LRFN5: variants seen among roughly 807,000 people sequenced by gnomAD.
LRFN5 encodes leucine-rich repeat and fibronectin type-III domain-containing protein 5.
A neutral mutation model predicts 45.6 loss-of-function variants in LRFN5; 24 were observed. That is an observed-to-expected ratio of 0.53 (90% CI 0.38 to 0.74). The LOEUF (loss-of-function observed/expected upper bound fraction) is 0.74, where lower values mean the gene tolerates loss of function less well. Among genes scored for constraint, LRFN5 ranks in the 30% least tolerant of loss-of-function variants. LRFN5 has a pLI of 0.00. For synonymous variants in LRFN5, 340 were observed against 313.8 expected, an observed-to-expected ratio of 1.08 and a Z score of -0.88; for missense variants, 776 against 861.5, an observed-to-expected ratio of 0.90 and a Z score of 1.24.
At chr14:41,653,123 C>G (rs1449379394) in intron 1 of LRFN5, among the ~76,000 whole-genome samples, 1 of 152,114 alleles carries the variant, frequency 6.6e-6, no homozygotes, top group East Asian at 1.9e-4. Context: ...TGTCTGTTTA[C>G]TCTGTTTATT....
intron 2 of LRFN5, among the ~76,000 whole-genome samples, chr14:41,859,849 A>C (rs528525241): frequency 1.1e-4 from 17 of 152,320 alleles, no homozygotes; most frequent in Admixed American, 7.8e-4. Flanking sequence ...CACTGAAAGT[A>C]TCATTTTCCC....
intron 1 of LRFN5, among the ~76,000 whole-genome samples, chr14:41,717,675 A>G (rs1297441084): frequency 6.6e-6 from 1 of 152,178 alleles, no homozygotes. Context: ...ATTAAGGGTT[A>G]CACTAGTTTT....
chr14:41,827,939 T>G (rs1888352901), intron 2 of LRFN5, among the ~76,000 whole-genome samples: 2 of 152,028 alleles, frequency 1.3e-5, no homozygotes, highest in Non-Finnish European at 2.9e-5. Flanking sequence ...TGTGCTTTTA[T>G]TCTCAAAAGT....
chr14:41,866,884 G>C (rs1191406807), intron 2 of LRFN5, among the ~76,000 whole-genome samples: 4 of 152,054 alleles, frequency 2.6e-5, no homozygotes, highest in Non-Finnish European at 4.4e-5. Flanking sequence ...ATTTTGATTA[G>C]TGAATCCAGA....
chr14:41,692,940 C>CT (rs1180059578), intron 1 of LRFN5, among the ~76,000 whole-genome samples: 44 of 151,896 alleles, frequency 2.9e-4, no homozygotes, highest in African/African-American at 8.7e-4. Context: ...TTAAAGTTTA[C>CT]TTTTTTTTCC....
intron 2 of LRFN5, among the ~76,000 whole-genome samples, chr14:41,789,710 A>G (rs1886850760): frequency 6.6e-6 from 1 of 151,946 alleles, no homozygotes; most frequent in Non-Finnish European, 1.5e-5. Flanking sequence ...ATCTAGGATT[A>G]TGTGTGCTGT....
At chr14:41,876,587 T>C (rs1167995051) in intron 2 of LRFN5, among the ~76,000 whole-genome samples, 2 of 152,104 alleles carry the variant, frequency 1.3e-5, no homozygotes, top group African/African-American at 2.4e-5. Flanking sequence ...TGAGCCACTG[T>C]GCCCAGCCAG....
chr14:41,893,466 CATA>C (rs1181703461), intron 4 of LRFN5: 39 of 984,508 alleles, frequency 4.0e-5, no homozygotes, highest in Non-Finnish European at 4.7e-5. Context: ...ACATTTTAGC[CATA>C]ATATCATAAG....
intron 5 of LRFN5, among the ~76,000 whole-genome samples, chr14:41,901,432 T>TTG (rs3032306): frequency 3.9e-3 from 578 of 148,024 alleles, no homozygotes; most frequent in Admixed American, 5.3e-3. Context: ...TATGTATGCA[T>TTG]TGTGTGTGTG....
intron 2 of LRFN5, among the ~76,000 whole-genome samples, chr14:41,866,070 T>G (rs762781803): frequency 6.6e-6 from 1 of 152,178 alleles, no homozygotes; most frequent in Non-Finnish European, 1.5e-5. Context: ...ATGACCAATT[T>G]TGCTTCATTT....
rs549389178 is a variant in LRFN5 at position 41,773,818 on chromosome 14, A to T, written c.-21+6789A>T. Among the ~76,000 whole-genome samples, 3 of 152,360 alleles carry T rather than the reference A, an allele frequency of 2.0e-5. No individual in the cohort carries two copies. In the East Asian group the frequency reaches 5.8e-4, roughly 29 times the overall value. On this transcript the variant is annotated intron_variant, in intron 2 of 5. Coordinates refer to ENST00000298119, the MANE Select transcript of LRFN5 (RefSeq NM_152447.5). The stretch of plus-strand genomic sequence containing the variant: ...CTGGCTTTCAGAGACAGGCTTCAGC[A>T]TTAAACTATTGTGGTTAATATGCTG...
At chr14:41,777,629 T>G (rs183629655) in intron 2 of LRFN5, among the ~76,000 whole-genome samples, 1 of 152,004 alleles carries the variant, frequency 6.6e-6, no homozygotes, top group Admixed American at 6.5e-5. Flanking sequence ...TTTCATCATC[T>G]AATTGAGCAT....
At chr14:41,770,817 A>G (rs1376594546) in intron 2 of LRFN5, among the ~76,000 whole-genome samples, 1 of 152,058 alleles carries the variant, frequency 6.6e-6, no homozygotes, top group African/African-American at 2.4e-5. Flanking sequence ...CAGCTCCACT[A>G]GACAGTGTCC....
At chr14:41,632,294 A>C (rs1203571069) in intron 1 of LRFN5, among the ~76,000 whole-genome samples, 1 of 152,098 alleles carries the variant, frequency 6.6e-6, no homozygotes. Flanking sequence ...TAATCTCATA[A>C]CGGCCCTTTA....
chr14:41,858,633 T>G (rs1249353679), intron 2 of LRFN5, among the ~76,000 whole-genome samples: 1 of 152,208 alleles, frequency 6.6e-6, no homozygotes, highest in East Asian at 1.9e-4. Context: ...GTCACGTGCT[T>G]TTCTTATCTT....
intron 2 of LRFN5, among the ~76,000 whole-genome samples, chr14:41,829,688 A>G (rs1888412345): frequency 6.7e-6 from 1 of 149,840 alleles, no homozygotes; most frequent in African/African-American, 2.4e-5. Context: ...TTCAAATATT[A>G]TATATTTGTG....
intron 1 of LRFN5, among the ~76,000 whole-genome samples, chr14:41,714,356 A>G (rs755014906): frequency 8.5e-5 from 13 of 152,156 alleles, no homozygotes; most frequent in Non-Finnish European, 1.5e-4. Context: ...ATGAATCAAC[A>G]TATTATTTAC....
intron 4 of LRFN5, chr14:41,892,525 G>T (rs933575250): frequency 2.1e-6 from 2 of 972,428 alleles, no homozygotes; most frequent in African/African-American, 3.5e-5. Context: ...GCCACCTATG[G>T]ATAATTGATA....
intron 1 of LRFN5, among the ~76,000 whole-genome samples, chr14:41,653,891 T>C (rs1880249993): frequency 6.6e-6 from 1 of 152,030 alleles, no homozygotes; most frequent in South Asian, 2.1e-4. Context: ...AGGTGTGTTG[T>C]GTAAGGGGAA....
Sources: gnomAD v4.1 joint callset for allele counts (sites outside exome capture counted in the v4.1 genomes callset) on GRCh38, gnomAD v4.1.1 for gene constraint, MANE v1.5 for transcripts, NCBI Gene and HGNC (gene_info 2026-07-23, HGNC 2026-07-21) for gene names.